OPCML: variants seen among roughly 807,000 people sequenced by gnomAD.
The protein encoded by OPCML is opioid binding protein/cell adhesion molecule like.
A neutral mutation model predicts 37.8 loss-of-function variants in OPCML; 13 were observed. The observed-to-expected ratio is 0.34, with a 90% confidence interval of 0.22 to 0.55. OPCML has a LOEUF of 0.55. OPCML is among the 20% of genes least tolerant of loss of function. The pLI is 0.91. For synonymous variants in OPCML, 176 were observed against 168.8 expected (o/e 1.04, Z -0.33); for missense variants, 341 against 435.6 (o/e 0.78, Z 1.93).
chr11:133,165,165 C>T (rs1051715253), intron 1 of OPCML, among the ~76,000 whole-genome samples: 60 of 152,350 alleles, frequency 3.9e-4, no homozygotes, highest in African/African-American at 1.4e-3. Context: ...GCCGCGCAGC[C>T]GCATGGCCTC....
chr11:133,421,784 T>G, intron 1 of OPCML: 1 of 985,362 alleles, frequency 1.0e-6, no homozygotes, highest in Non-Finnish European at 1.2e-6. Context: ...TGGATATCAA[T>G]TGCTTTCGAG....
At chr11:133,292,343 A>G (rs889104053) in intron 1 of OPCML, among the ~76,000 whole-genome samples, 2 of 152,108 alleles carry the variant, frequency 1.3e-5, no homozygotes, top group African/African-American at 4.8e-5. Context: ...TTTCTTTCCA[A>G]TACCCAGAAA....
chr11:132,690,999 G>A (rs1943380419), intron 2 of OPCML, among the ~76,000 whole-genome samples: 1 of 152,150 alleles, frequency 6.6e-6, no homozygotes, highest in Admixed American at 6.5e-5. Context: ...CCACTAATAA[G>A]ACCTAACATT....
chr11:132,859,217 G>A (rs1454223142), intron 2 of OPCML: 1 of 152,232 alleles, frequency 6.6e-6, no homozygotes, highest in Non-Finnish European at 1.5e-5. Context: ...GAAGGAAGGA[G>A]TGGACGGTGC....
intron 3 of OPCML, among the ~76,000 whole-genome samples, chr11:132,608,527 C>G (rs1296375686): frequency 6.6e-6 from 1 of 152,164 alleles, no homozygotes; most frequent in Non-Finnish European, 1.5e-5. Flanking sequence ...TTGGTTGAAC[C>G]CAGACTCCAG....
intron 1 of OPCML, among the ~76,000 whole-genome samples, chr11:133,467,156 ATGG>A (rs1946994760): frequency 1.3e-5 from 2 of 152,220 alleles, no homozygotes; most frequent in Admixed American, 1.3e-4. Context: ...CCCCCCTAAG[ATGG>A]TGGCTTCCTA....
rs1591835180 is a variant in OPCML at position 132,944,136 on chromosome 11, C to T, written c.62-1126G>A. 1.3e-5 allele frequency among the ~76,000 whole-genome samples: 2 copies of T among 151,954 alleles called. 1 individual carries two copies. The highest frequency in any genetic ancestry group is 4.2e-4 in the South Asian group (2 of 4,800). ...CCACTTCGCTCCGTCCCGACACCCG[C>T]GCCAGCGGAGAGAACGCGGCGCCCC... On this transcript the variant is annotated intron_variant, in intron 1 of 7. Coordinates refer to ENST00000524381, the MANE Select transcript of OPCML (RefSeq NM_001012393.5).
intron 2 of OPCML, among the ~76,000 whole-genome samples, chr11:132,724,990 G>A (rs564314496): frequency 2.6e-5 from 4 of 152,286 alleles, no homozygotes; most frequent in East Asian, 3.9e-4. Flanking sequence ...ATGGGCTGAC[G>A]TTGAGTGTCT....
chr11:132,565,925 C>T (rs188251416), intron 3 of OPCML, among the ~76,000 whole-genome samples: 1,532 of 152,184 alleles, frequency 0.01, 7 homozygotes, highest in Non-Finnish European at 0.018. Flanking sequence ...CCCAGCTACT[C>T]GAGAGACTGT....
intron 1 of OPCML, among the ~76,000 whole-genome samples, chr11:133,137,059 G>A (rs1037395292): frequency 1.6e-4 from 25 of 152,154 alleles, no homozygotes; most frequent in Admixed American, 1.4e-3. Context: ...GACCATTAAC[G>A]TGAAGGATGG....
intron 3 of OPCML, among the ~76,000 whole-genome samples, chr11:132,582,124 G>A (rs2096463337): frequency 6.7e-6 from 1 of 150,166 alleles, no homozygotes; most frequent in Non-Finnish European, 1.5e-5. Flanking sequence ...GTGTGTGTGT[G>A]TGTGTGTGTG....
At chr11:132,504,401 T>G (rs1465523624) in intron 4 of OPCML, among the ~76,000 whole-genome samples, 1 of 152,222 alleles carries the variant, frequency 6.6e-6, no homozygotes. Context: ...CAAAAATTAG[T>G]GGCTCCAAGC....
chr11:133,501,904 A>G (rs543921270), intron 1 of OPCML, among the ~76,000 whole-genome samples: 7 of 151,334 alleles, frequency 4.6e-5, no homozygotes, highest in Non-Finnish European at 1.0e-4. Flanking sequence ...GCCCACCAAC[A>G]TGCCTCGAGG....
intron 1 of OPCML, among the ~76,000 whole-genome samples, chr11:133,364,131 G>A (rs570592190): frequency 6.6e-6 from 1 of 152,256 alleles, no homozygotes; most frequent in South Asian, 2.1e-4. Flanking sequence ...CAGTTATTCA[G>A]TGGCTACCTC....
intron 2 of OPCML, among the ~76,000 whole-genome samples, chr11:132,742,458 A>C (rs1185051815): frequency 6.6e-6 from 1 of 152,192 alleles, no homozygotes; most frequent in Non-Finnish European, 1.5e-5. Context: ...CAAGCCAGGA[A>C]GTGGCTCTTC....
At chr11:133,167,914 A>T (rs1382671446) in intron 1 of OPCML, among the ~76,000 whole-genome samples, 2 of 152,176 alleles carry the variant, frequency 1.3e-5, no homozygotes, top group Non-Finnish European at 2.9e-5. Context: ...CAGTTCACTC[A>T]TTCATTCCAT....
intron 1 of OPCML, among the ~76,000 whole-genome samples, chr11:133,378,481 G>T (rs1032950564): frequency 1.3e-5 from 2 of 152,056 alleles, no homozygotes; most frequent in Non-Finnish European, 2.9e-5. Context: ...CCCTCCACAT[G>T]CAATGAAGTC....
At chr11:133,299,877 C>G (rs2136562748) in intron 1 of OPCML, 1 of 152,264 alleles carries the variant, frequency 6.6e-6, no homozygotes, top group South Asian at 2.1e-4. Flanking sequence ...CCGCCACGAC[C>G]ACCACTAACA....
chr11:132,993,960 G>A (rs1946829228), intron 1 of OPCML, among the ~76,000 whole-genome samples: 1 of 152,184 alleles, frequency 6.6e-6, no homozygotes, highest in African/African-American at 2.4e-5. Flanking sequence ...ATATGGATTG[G>A]AAAGTCTCCC....
Sources: allele counts gnomAD v4.1 joint callset (sites outside exome capture counted in the v4.1 genomes callset), GRCh38; gene constraint gnomAD v4.1.1; transcripts MANE v1.5; gene names NCBI Gene and HGNC (gene_info 2026-07-23, HGNC 2026-07-21).